The following CYTH4 variants were observed in gnomAD, a reference collection of about 807,000 sequenced individuals.
CYTH4 encodes cytohesin 4, also known as cytohesin-4.
CYTH4 carries 22 observed loss-of-function variants against 57.5 expected under a neutral mutation model. That is an observed-to-expected ratio of 0.38 (90% CI 0.27 to 0.55). CYTH4 has a LOEUF of 0.55. Ranked by LOEUF, CYTH4 falls within the 20% of genes least tolerant of loss-of-function variation. The probability of loss-of-function intolerance (pLI) is 0.74; values close to 1 mark genes in which losing one functional copy is unlikely to be tolerated. For synonymous variants in CYTH4, 186 were observed against 206.5 expected (o/e 0.90, Z 0.85); for missense variants, 420 against 535.6 (o/e 0.78, Z 2.13).
intron 1 of CYTH4, among the ~76,000 whole-genome samples, chr22:37,291,882 A>G (rs55699607): frequency 0.038 from 5,711 of 152,288 alleles, 338 homozygotes; most frequent in African/African-American, 0.13. Flanking sequence ...GTGGAGATGA[A>G]AGAGCACAGG....
chr22:37,285,579 T>C (rs541993403), intron 1 of CYTH4, among the ~76,000 whole-genome samples: 17 of 151,636 alleles, frequency 1.1e-4, no homozygotes, highest in South Asian at 2.1e-4. Context: ...GGCCTGGTGG[T>C]GGGCGCCTGT....
In CYTH4 at chr22:37,290,807, C is replaced by T. The variant is rs553010229; in HGVS notation, c.20-1814C>T. On this transcript the variant is annotated intron_variant, in intron 1 of 12. Transcript: ENST00000248901. Reference sequence around the variant, plus strand: ...AGAGGCGTGAGCCACCTTGCCTGACCGGGACTTGGCTTTTTATTGCAGTGG... The same window carrying T: ...AGAGGCGTGAGCCACCTTGCCTGACTGGGACTTGGCTTTTTATTGCAGTGG... Among the ~76,000 whole-genome samples, 74 of 152,298 alleles carry T rather than the reference C, an allele frequency of 4.9e-4. 1 individual carries two copies. In the South Asian group the frequency reaches 0.015, roughly 31 times the overall value.
intron 5 of CYTH4, 83 bp from the exon 6 acceptor site, chr22:37,299,143 T>A: frequency 2.0e-6 from 2 of 977,598 alleles, no homozygotes; most frequent in South Asian, 1.4e-5. Flanking sequence ...GTCCTCTCCC[T>A]CCCCCACCTC....
At chr22:37,306,242 C>G (rs1929389934) in intron 8 of CYTH4, among the ~76,000 whole-genome samples, 1 of 151,916 alleles carries the variant, frequency 6.6e-6, no homozygotes, top group Non-Finnish European at 1.5e-5. Context: ...GAACTCCACT[C>G]TCCGGTGTTA....
At chr22:37,302,788 C>T (rs140903414) in intron 7 of CYTH4, among the ~76,000 whole-genome samples, 2 of 152,290 alleles carry the variant, frequency 1.3e-5, no homozygotes, top group South Asian at 2.1e-4. Context: ...ATGGGAGAGG[C>T]GCTGGGGCTC....
chr22:37,301,111 AC>A, intron 7 of CYTH4, 92 bp downstream of exon 7: 1 of 1,116,480 alleles, frequency 9.0e-7, no homozygotes, highest in Non-Finnish European at 1.3e-6. Flanking sequence ...TCCCCCAGGT[AC>A]CCAGACCCTG....
At chr22:37,308,717 T>C (rs1220296526) in intron 8 of CYTH4, among the ~76,000 whole-genome samples, 3 of 151,766 alleles carry the variant, frequency 2.0e-5, no homozygotes, top group South Asian at 2.1e-4. Flanking sequence ...TGCATGTGTG[T>C]GTGCGTGTAT....
At chr22:37,296,669 G>A (rs79624014) in intron 4 of CYTH4, 2,583 of 155,446 alleles carry the variant, frequency 0.017, 65 homozygotes, top group African/African-American at 0.059. Flanking sequence ...GAAATTTACC[G>A]CTCTGGCTTA....
rs1219750200 is a variant in CYTH4 at position 37,314,109 on chromosome 22, C to G, written c.*598C>G. ...GGAGCCCGGACCCCACGAGCTCAGT[C>G]CCAGCTCTGCCTCTGACTCGCTGTG... is the stretch of plus-strand genomic sequence containing the variant. On this transcript the variant is annotated 3_prime_UTR_variant, in exon 13 of 13. Transcript: ENST00000248901. 1.9e-5 allele frequency: 7 copies of G among 360,366 alleles called. No homozygotes were observed. 22.3% of individuals were successfully genotyped at this position (360,366 alleles called of 1,614,324 possible). A position where few individuals can be genotyped will look rare whatever the true frequency, so the allele number is the denominator to read the frequency against.
chr22:37,285,594 C>T (rs993744970), intron 1 of CYTH4, among the ~76,000 whole-genome samples: 1 of 151,790 alleles, frequency 6.6e-6, no homozygotes, highest in African/African-American at 2.4e-5. Flanking sequence ...GCCTGTAATC[C>T]CAGCTACTTG....
intron 8 of CYTH4, among the ~76,000 whole-genome samples, chr22:37,305,286 C>T (rs1929353042): frequency 6.6e-6 from 1 of 152,198 alleles, no homozygotes; most frequent in Admixed American, 6.5e-5. Context: ...TTTCTTCTCA[C>T]CAGGCTTTGG....
At chr22:37,300,322 A>T (rs978562187) in intron 6 of CYTH4, 5 of 702,180 alleles carry the variant, frequency 7.1e-6, no homozygotes, top group Non-Finnish European at 1.3e-5. Flanking sequence ...ATTCATTCAC[A>T]TATTCATTCA....
Position 37,312,130 on chromosome 22 carries a change from A to G in CYTH4, c.1068A>G (p.Ser356=), listed in dbSNP as rs773340093. 4 of 1,614,094 alleles carry G rather than the reference A, an allele frequency of 2.5e-6. No individual in the cohort carries two copies. The highest frequency in any genetic ancestry group is 3.4e-6 in the Non-Finnish European group (4 of 1,180,016). The change falls in exon 12 of 13, where the codon TCA becomes TCG. Residue 356 remains serine (S), a synonymous_variant. Coordinates refer to ENST00000248901, the MANE Select transcript of CYTH4 (RefSeq NM_013385.5). ...VEGKHESYRI[S]ATSAEERDQW... ...GCAAGCACGAATCGTACCGCATCTCAGCCACCAGTGCCGAGGAACGTGACC... is the reference window on the plus strand; with the variant it reads ...GCAAGCACGAATCGTACCGCATCTCGGCCACCAGTGCCGAGGAACGTGACC...
chr22:37,291,923 C>T (rs982200303), intron 1 of CYTH4, among the ~76,000 whole-genome samples: 2 of 152,194 alleles, frequency 1.3e-5, no homozygotes, highest in South Asian at 2.1e-4. Context: ...AAGGTCCCAT[C>T]CTGGCTCAGT....
chr22:37,293,439 G>T (rs1928822667), intron 2 of CYTH4, among the ~76,000 whole-genome samples: 1 of 152,242 alleles, frequency 6.6e-6, no homozygotes, highest in Non-Finnish European at 1.5e-5. Flanking sequence ...TGAACACAGA[G>T]CCGAGGTCTG....
chr22:37,299,377 C>A, intron 6 of CYTH4, 71 bp downstream of exon 6: 1 of 1,323,904 alleles, frequency 7.6e-7, no homozygotes, highest in Admixed American at 1.8e-5. Flanking sequence ...GTGTCGCGAT[C>A]CACATAGCTG....
At chr22:37,286,248 G>A (rs1382236202) in intron 1 of CYTH4, among the ~76,000 whole-genome samples, 1 of 152,176 alleles carries the variant, frequency 6.6e-6, no homozygotes, top group Non-Finnish European at 1.5e-5. Flanking sequence ...CAACATCAGG[G>A]CTGTAAGCCT....
chr22:37,300,178 G>A (rs1929128614), intron 6 of CYTH4: 1 of 717,382 alleles, frequency 1.4e-6, no homozygotes, highest in South Asian at 1.5e-5. Context: ...ATCTGATCTG[G>A]GCTTTGGAGG....
chr22:37,284,753 C>A (rs56207360), intron 1 of CYTH4, among the ~76,000 whole-genome samples: 6 of 152,078 alleles, frequency 3.9e-5, no homozygotes, highest in Non-Finnish European at 7.4e-5. Flanking sequence ...GACTCAGGGG[C>A]CCCCAGGGCT....
Sources: gnomAD v4.1 joint callset for allele counts (sites outside exome capture counted in the v4.1 genomes callset) on GRCh38, gnomAD v4.1.1 for gene constraint, MANE v1.5 for transcripts, NCBI Gene and HGNC (gene_info 2026-07-23, HGNC 2026-07-21) for gene names.